Variants in LPCAT3 observed in about 807,000 individuals in gnomAD.
LPCAT3 encodes lysophosphatidylcholine acyltransferase 3, also known as lysophospholipid acyltransferase 5.
In LPCAT3, 21 loss-of-function variants were observed where a neutral mutation model predicts 63.4. The ratio of observed to expected loss-of-function variants is 0.33; its 90% CI spans 0.23 to 0.48. The LOEUF (loss-of-function observed/expected upper bound fraction) is 0.48, where lower values mean the gene tolerates loss of function less well. Among genes scored for constraint, LPCAT3 ranks in the 20% least tolerant of loss-of-function variants. The pLI, the probability that LPCAT3 is intolerant of heterozygous loss-of-function variation, is 0.99. For synonymous variants in LPCAT3, 242 were observed against 227.5 expected (o/e 1.06, Z -0.58); for missense variants, 451 against 590.6 (o/e 0.76, Z 2.45).
intron 1 of LPCAT3, chr12:6,997,084 T>C (rs1295728301): frequency 2.0e-5 from 3 of 152,242 alleles, no homozygotes; most frequent in Non-Finnish European, 2.9e-5. Context: ...ACTGATATAA[T>C]GGTCTTCAGG....
chr12:6,994,031 C>G (rs1339714067), intron 1 of LPCAT3, among the ~76,000 whole-genome samples: 2 of 152,218 alleles, frequency 1.3e-5, no homozygotes, highest in Non-Finnish European at 2.9e-5. Context: ...GAGACAGGGT[C>G]TCACTATGTT....
chr12:6,989,313 GT>G (rs113013257), intron 1 of LPCAT3, among the ~76,000 whole-genome samples: 21,400 of 126,262 alleles, frequency 0.17, 2,100 homozygotes, highest in African/African-American at 0.38. Flanking sequence ...CAAAATGCGT[GT>G]TTTTTTTTTT....
At chr12:7,007,395 T>C (rs1946732674) in intron 1 of LPCAT3, among the ~76,000 whole-genome samples, 1 of 151,990 alleles carries the variant, frequency 6.6e-6, no homozygotes, top group African/African-American at 2.4e-5. Flanking sequence ...CACTATGTAT[T>C]ATTTTCGGAA....
chr12:7,018,128 T>A lies in LPCAT3; in HGVS notation c.151+146A>T. 1 of 836,360 alleles carries A rather than the reference T, an allele frequency of 1.2e-6. No homozygotes were observed. Among genetic ancestry groups the A allele is most frequent in the Non-Finnish European group, 1.9e-6 (1 of 531,280 alleles). The allele number at this position is 836,360 out of a possible 1,614,324, so 51.8% of individuals were successfully genotyped here. On this transcript the variant is annotated intron_variant, in intron 1 of 12. Transcript: ENST00000261407. The surrounding 1 kb of genome is among the most constrained non-coding windows in gnomAD (Gnocchi z 4.9). ...AGACAGGACTTCTGTCTTCCCTCAG[T>A]AGCTGTTGGTGTGCTTCAGGATTCA... is the stretch of plus-strand genomic sequence containing the variant.
intron 1 of LPCAT3, among the ~76,000 whole-genome samples, chr12:7,000,135 G>C (rs1406972251): frequency 6.6e-6 from 1 of 151,484 alleles, no homozygotes; most frequent in Non-Finnish European, 1.5e-5. Context: ...GGTCAGGCTG[G>C]TCTTGAACTC....
At chr12:6,992,631 T>C (rs1396157794) in intron 1 of LPCAT3, among the ~76,000 whole-genome samples, 1 of 152,246 alleles carries the variant, frequency 6.6e-6, no homozygotes, top group Non-Finnish European at 1.5e-5. Flanking sequence ...CATGCTGATA[T>C]GGAATGATTT....
intron 2 of LPCAT3, chr12:6,983,141 A>T (rs781874074): frequency 8.3e-6 from 4 of 483,136 alleles, no homozygotes; most frequent in African/African-American, 2.0e-5. Context: ...CTAAGTGGGG[A>T]CTGCTTGGCT....
At position 7,018,204 on chromosome 12, in the gene LPCAT3, T is replaced by TC; in HGVS notation, c.151+69dup. The stretch of plus-strand genomic sequence containing the variant: ...GGGTGGCTCCGGGAAGAGAGGGAGG[T>TC]CCTGTCCCCATTCCTCCCCTACTCC... On this transcript the variant is annotated intron_variant, in intron 1 of 12. Transcript: ENST00000261407. This position sits in a 1 kb window ranked among gnomAD's most constrained non-coding sequence, Gnocchi z 4.9. 1 of 1,529,052 alleles carries TC rather than the reference T, an allele frequency of 6.5e-7. No homozygotes were observed. The highest frequency in any genetic ancestry group is 8.9e-7 in the Non-Finnish European group (1 of 1,127,556). The allele number at this position is 1,529,052 out of a possible 1,614,324, so 94.7% of individuals were successfully genotyped here. A position where few individuals can be genotyped will look rare whatever the true frequency, so the allele number is the denominator to read the frequency against.
Position 6,996,372 on chromosome 12 carries a change from C to T in LPCAT3, c.152-12833G>A, listed in dbSNP as rs76624188. On this transcript the variant is annotated intron_variant, in intron 1 of 12. Coordinates refer to ENST00000261407, the MANE Select transcript of LPCAT3 (RefSeq NM_005768.6). ...TGTATACAACACTACCCCTCCCCAC[C>T]CTGTAACCCTCCCCCATCACACACT... 2.3e-3 allele frequency among the ~76,000 whole-genome samples: 348 copies of T among 152,286 alleles called. 2 individuals carry two copies. Among genetic ancestry groups the T allele is most frequent in the African/African-American group, 7.4e-3 (309 of 41,552 alleles).
rs1946804807 is a variant in LPCAT3, at chr12:7,017,698, ATGAC to A, written c.151+572_151+575del. 6.6e-6 allele frequency among the ~76,000 whole-genome samples: 1 copy of A among 152,202 alleles called. No individual in the cohort carries two copies. The highest frequency in any genetic ancestry group is 2.4e-5 in the African/African-American group (1 of 41,444). On this transcript the variant is annotated intron_variant, in intron 1 of 12. Transcript: ENST00000261407. The surrounding 1 kb of genome is among the most constrained non-coding windows in gnomAD (Gnocchi z 4.1). ...GCATTAAAATGATATTCCAGGGTAA[ATGAC>A]AGGTAGGTGGCTTGGAAAATAAAAA...
chr12:6,984,007 G>T (rs782796572), intron 1 of LPCAT3, among the ~76,000 whole-genome samples: 3 of 152,096 alleles, frequency 2.0e-5, no homozygotes, highest in Non-Finnish European at 4.4e-5. Context: ...AGATTTGAGC[G>T]TACCCATCTA....
At chr12:7,007,136 C>T (rs1465966032) in intron 1 of LPCAT3, among the ~76,000 whole-genome samples, 2 of 151,938 alleles carry the variant, frequency 1.3e-5, no homozygotes, top group Non-Finnish European at 2.9e-5. Context: ...CTCTGCCTCC[C>T]GGGTTCAAGT....
chr12:6,995,621 T>C (rs1946629843), intron 1 of LPCAT3, among the ~76,000 whole-genome samples: 1 of 152,102 alleles, frequency 6.6e-6, no homozygotes, highest in Non-Finnish European at 1.5e-5. Context: ...GATTTGCAGT[T>C]AAAACCCTTA....
chr12:7,003,725 A>C (rs945118282), intron 1 of LPCAT3, among the ~76,000 whole-genome samples: 1 of 151,686 alleles, frequency 6.6e-6, no homozygotes, highest in Non-Finnish European at 1.5e-5. Flanking sequence ...GATCGAGACC[A>C]TCCTGGCTAA....
chr12:7,013,973 A>G lies in LPCAT3; in HGVS notation c.151+4301T>C, dbSNP rs1235754193. On this transcript the variant is annotated intron_variant, in intron 1 of 12. Coordinates refer to ENST00000261407, the MANE Select transcript of LPCAT3 (RefSeq NM_005768.6). ...CAGCCTGATTTTCCATCACTTCTTT[A>G]AAGTCCTGTTTTAGTCACACTAGAC... Among the ~76,000 whole-genome samples, 3 of 152,338 alleles carry G rather than the reference A, an allele frequency of 2.0e-5. No individual in the cohort carries two copies. The South Asian group carries it at 6.2e-4, about 32-fold the overall frequency.
At chr12:7,001,463 G>A in intron 1 of LPCAT3, 2 of 456,092 alleles carry the variant, frequency 4.4e-6, no homozygotes, top group South Asian at 1.5e-5. Context: ...AATTCTGCGG[G>A]TAGGGGCTTC....
chr12:6,981,466 G>T, intron 5 of LPCAT3, 129 bp downstream of exon 5: 1 of 935,222 alleles, frequency 1.1e-6, no homozygotes. Context: ...CTATCTGAAA[G>T]GGAGATTGCA....
chr12:6,985,607 C>T (rs1329084759), intron 1 of LPCAT3, among the ~76,000 whole-genome samples: 267 of 141,338 alleles, frequency 1.9e-3, no homozygotes, highest in Non-Finnish European at 3.1e-3. Context: ...CCCAGCTACT[C>T]GGGAGGCTGA....
chr12:6,989,079 C>T (rs782681579), intron 1 of LPCAT3, among the ~76,000 whole-genome samples: 7 of 151,496 alleles, frequency 4.6e-5, no homozygotes, highest in Admixed American at 2.0e-4. Context: ...GCCGAGATCA[C>T]GCCATTGCAC....
Sources: allele counts gnomAD v4.1 joint callset (sites outside exome capture counted in the v4.1 genomes callset), GRCh38; gene constraint gnomAD v4.1.1; non-coding constraint Gnocchi (gnomAD v3.1); transcripts MANE v1.5; gene names NCBI Gene and HGNC (gene_info 2026-07-23, HGNC 2026-07-21).